Variants in CNTRL observed in about 807,000 individuals in gnomAD.
CNTRL encodes the protein 110 kDa centrosomal protein.
CNTRL carries 233 observed loss-of-function variants against 303.7 expected under a neutral mutation model. That is an observed-to-expected ratio of 0.77 (90% confidence interval 0.69 to 0.86). The LOEUF (loss-of-function observed/expected upper bound fraction) is 0.86. Among genes scored for constraint, CNTRL ranks in the 40% least tolerant of loss-of-function variants. CNTRL has a pLI of 0.00. For synonymous variants in CNTRL, 900 were observed against 922.2 expected, an observed-to-expected ratio of 0.98 and a Z score of 0.44; for missense variants, 2,524 against 2,650.6, an observed-to-expected ratio of 0.95 and a Z score of 1.05.
rs1374074428 is a variant in CNTRL, at chr9:121,145,388, A to G, written c.3310+3A>G. 2.5e-6 allele frequency: 4 copies of G among 1,599,666 alleles called. No individual in the cohort carries two copies. The highest frequency in any genetic ancestry group is 1.4e-5 in the African/African-American group (1 of 74,028). ...TGTACTAGACCTCACTGGAAGTGGT[A>G]AAGTATTGGGCTTTGATTTTTGGCA... On this transcript the variant is annotated splice_donor_region_variant and intron_variant, in intron 22 of 43. Transcript: ENST00000373855.
intron 15 of CNTRL, 43 bp downstream of exon 15, chr9:121,136,025 G>A (rs2051171621): frequency 6.9e-7 from 1 of 1,458,766 alleles, no homozygotes; most frequent in Non-Finnish European, 9.3e-7. Context: ...AGGACCCTGT[G>A]CCTTAAGATA....
Position 121,173,537 on chromosome 9 carries a change from G to T in CNTRL, c.6684+28G>T, listed in dbSNP as rs1227124250. The stretch of plus-strand genomic sequence containing the variant: ...AAGGGTTTATCCTGCTATTCTCTGG[G>T]TTCGTAGGATTGACCACCTCCCCCA... On this transcript the variant is annotated intron_variant, in intron 41 of 43. Coordinates refer to ENST00000373855, the MANE Select transcript of CNTRL (RefSeq NM_007018.6). The T allele has an allele frequency of 3.1e-6, 5 of 1,610,832 alleles. No homozygotes were observed. In the African/African-American group the frequency reaches 6.7e-5, roughly 22 times the overall value.
intron 11 of CNTRL, among the ~76,000 whole-genome samples, chr9:121,117,927 C>T (rs188401195): frequency 3.3e-5 from 5 of 151,108 alleles, no homozygotes; most frequent in African/African-American, 4.9e-5. Flanking sequence ...TGCGGTGAGC[C>T]GAGATCGCGC....
intron 2 of CNTRL, among the ~76,000 whole-genome samples, chr9:121,085,003 T>C (rs1419034394): frequency 2.0e-5 from 3 of 152,242 alleles, no homozygotes; most frequent in African/African-American, 4.8e-5. Flanking sequence ...ACAAATGCTT[T>C]AGTTCCTTCT....
chr9:121,100,085 G>A (rs1458071838), intron 7 of CNTRL, among the ~76,000 whole-genome samples: 2 of 152,152 alleles, frequency 1.3e-5, no homozygotes, highest in African/African-American at 4.8e-5. Context: ...CTCGAGAATA[G>A]CAACTCCAAG....
chr9:121,093,978 G>A (rs1404331791), intron 4 of CNTRL, among the ~76,000 whole-genome samples: 1 of 151,976 alleles, frequency 6.6e-6, no homozygotes. Context: ...GGCTAGGTGG[G>A]ACGCGCCTGT....
chr9:121,113,405 C>G (rs916623458), intron 9 of CNTRL, 97 bp from the exon 10 acceptor site: 11 of 593,418 alleles, frequency 1.9e-5, no homozygotes, highest in African/African-American at 3.8e-5. Flanking sequence ...TAAACTTGAG[C>G]AATTCTGTGA....
chr9:121,125,950 C>T lies in CNTRL; in HGVS notation c.2025+14C>T. Reference sequence around the variant, plus strand: ...AATATGAGGAAGGTATGATTTTTTTCCTGCCTATTTTCCGTAGCTTCATAA... The same window carrying T: ...AATATGAGGAAGGTATGATTTTTTTTCTGCCTATTTTCCGTAGCTTCATAA... On this transcript the variant is annotated intron_variant, in intron 14 of 43. Coordinates refer to ENST00000373855, the MANE Select transcript of CNTRL (RefSeq NM_007018.6). 1.2e-6 allele frequency: 2 copies of T among 1,607,182 alleles called. No individual in the cohort carries two copies.
At position 121,148,670 on chromosome 9, in the gene CNTRL, A is replaced by C. The variant is rs775311071; in HGVS notation, c.3460-2A>C. On this transcript the variant is annotated splice_acceptor_variant, in intron 23 of 43. Transcript: ENST00000373855. LOFTEE classifies it high-confidence loss of function. Reference sequence around the variant, plus strand: ...AGTGTGCTCTGCTGTCATTTGTTTTAGGTTTCCAGCCATAGTTCCCAGGCC... The same window carrying C: ...AGTGTGCTCTGCTGTCATTTGTTTTCGGTTTCCAGCCATAGTTCCCAGGCC... 1.9e-6 allele frequency: 3 copies of C among 1,610,578 alleles called. No individual in the cohort carries two copies. Among genetic ancestry groups the C allele is most frequent in the Non-Finnish European group, 2.5e-6 (3 of 1,177,688 alleles).
At chr9:121,158,243 T>A (rs1564289579) in intron 30 of CNTRL, 134 bp downstream of exon 30, 2 of 1,053,630 alleles carry the variant, frequency 1.9e-6, no homozygotes, top group African/African-American at 1.6e-5. Flanking sequence ...TGAACTAAAT[T>A]TGAATCCCAA....
rs1252480776 is a variant in CNTRL at position 121,169,497 on chromosome 9, A to G, written c.6071-114A>G. 5 of 1,010,646 alleles carry G rather than the reference A, an allele frequency of 4.9e-6. No individual in the cohort carries two copies. In the African/African-American group the frequency reaches 6.4e-5, roughly 13 times the overall value. 62.6% of individuals were successfully genotyped at this position (1,010,646 alleles called of 1,614,324 possible). ...GCTTGTACGACTTTGTAATGGAGGA[A>G]AGCACCTGCATGGGTAGCATATCAC... On this transcript the variant is annotated intron_variant, in intron 38 of 43. Transcript: ENST00000373855.
chr9:121,122,234 ATTTAC>A, intron 12 of CNTRL, among the ~76,000 whole-genome samples: 1 of 152,218 alleles, frequency 6.6e-6, no homozygotes, highest in Admixed American at 6.5e-5. Flanking sequence ...AAAACCCGAA[ATTTAC>A]TTAGAATGTA....
In CNTRL at chr9:121,090,156, G is replaced by A. The variant is rs2048502497; in HGVS notation, c.218-119G>A. 3 of 615,504 alleles carry A rather than the reference G, an allele frequency of 4.9e-6. 1 individual carries two copies. In the South Asian group the frequency reaches 9.7e-5, roughly 20 times the overall value. 38.1% of individuals were successfully genotyped at this position (615,504 alleles called of 1,614,324 possible). ...AAAACATTATGATTAGAAATAGCCAGCTTTTTTGGTATATTCATGGCTTAA... is the reference window on the plus strand; with the variant it reads ...AAAACATTATGATTAGAAATAGCCAACTTTTTTGGTATATTCATGGCTTAA... On this transcript the variant is annotated intron_variant, in intron 3 of 43. Transcript: ENST00000373855.
Position 121,140,713 on chromosome 9 carries a change from G to A in CNTRL, c.2410G>A (p.Val804Ile). 1 of 1,613,654 alleles carries A rather than the reference G, an allele frequency of 6.2e-7. No individual in the cohort carries two copies. The highest frequency in any genetic ancestry group is 1.1e-5 in the South Asian group (1 of 91,040). Reference sequence around the variant, plus strand: ...CCTTAACCATGTGGTTGATGGTTTGGTTCGTCCAGAAGAAGTGGCAGCTCG... The same window carrying A: ...CCTTAACCATGTGGTTGATGGTTTGATTCGTCCAGAAGAAGTGGCAGCTCG... ...NHLNHVVDGL[V>I]RPEEVAARVD... The change falls in exon 17 of 44, where the codon GTT (valine) becomes ATT (isoleucine). Residue 804 changes from valine (V) to isoleucine (I), a missense_variant. By Grantham distance (29) the Val-to-Ile change is conservative (BLOSUM62 3). Transcript: ENST00000373855.
At chr9:121,130,280 G>C (rs2133700140) in intron 14 of CNTRL, among the ~76,000 whole-genome samples, 1 of 152,216 alleles carries the variant, frequency 6.6e-6, no homozygotes, top group East Asian at 1.9e-4. Flanking sequence ...TTGGTTGGTA[G>C]GCTATTAATT....
At chr9:121,171,280 C>A in intron 39 of CNTRL, 128 bp from the exon 40 acceptor site, 1 of 951,294 alleles carries the variant, frequency 1.1e-6, no homozygotes, top group Non-Finnish European at 1.7e-6. Context: ...TAGAATTATC[C>A]CCATTTGACA....
Position 121,150,425 on chromosome 9 carries a change from C to T in CNTRL, c.3905C>T (p.Ser1302Phe). Residue 1302 changes from serine (S) to phenylalanine (F), a missense_variant, in exon 25 of 44, where the codon TCC (serine) becomes TTC (phenylalanine). Ser to Phe is a radical substitution (Grantham distance 155). Coordinates refer to ENST00000373855, the MANE Select transcript of CNTRL (RefSeq NM_007018.6). ...MVYGPPPPNF[S>F]IPFIPMGVLH... ...TATGGGCCTCCACCCCCCAACTTCTCCATCCCCTTCATCCCTATGGGTGTG... is the reference window on the plus strand; with the variant it reads ...TATGGGCCTCCACCCCCCAACTTCTTCATCCCCTTCATCCCTATGGGTGTG... The T allele has an allele frequency of 1.9e-6, 3 of 1,614,210 alleles. No homozygotes were observed. The highest frequency in any genetic ancestry group is 2.5e-6 in the Non-Finnish European group (3 of 1,180,046).
intron 27 of CNTRL, 35 bp from the exon 28 acceptor site, chr9:121,157,435 A>G: frequency 6.2e-7 from 1 of 1,604,354 alleles, no homozygotes; most frequent in East Asian, 2.2e-5. Context: ...TGAGTATTGT[A>G]ACTGAATGGC....
At chr9:121,146,646 G>C (rs1417365091) in intron 23 of CNTRL, among the ~76,000 whole-genome samples, 1 of 152,238 alleles carries the variant, frequency 6.6e-6, no homozygotes, top group African/African-American at 2.4e-5. Context: ...GTGCTAGGTA[G>C]TGGTGGGGCA....
Sources: allele counts gnomAD v4.1 joint callset (sites outside exome capture counted in the v4.1 genomes callset), GRCh38; gene constraint gnomAD v4.1.1; transcripts MANE v1.5; gene names NCBI Gene and HGNC (gene_info 2026-07-23, HGNC 2026-07-21).